The following PDGFRL variants were observed in gnomAD, a reference collection of about 807,000 sequenced individuals.
PDGFRL encodes the protein platelet-derived growth factor receptor-like protein.
PDGFRL carries 46 observed loss-of-function variants against 37.2 expected under a neutral mutation model. The ratio of observed to expected loss-of-function variants is 1.24; its 90% CI spans 0.98 to 1.58. PDGFRL has a LOEUF of 1.58. PDGFRL is among the 40% of genes most tolerant of loss of function. The pLI is 0.00. For missense variants in PDGFRL, 692 were observed against 467.6 expected, an observed-to-expected ratio of 1.48 and a Z score of -4.43; for synonymous variants, 251 against 184.3, an observed-to-expected ratio of 1.36 and a Z score of -2.93.
chr8:17,589,679 G>A lies in PDGFRL; in HGVS notation c.267G>A (p.Gly89=), dbSNP rs140534860. ...CCGCTACCCTGAGTCTGCTGGCGGG[G>A]CAAACTGTAGAGCTTCGATGTAAAG... ...KPAATLSLLA[G]QTVELRCKGS... Residue 89 remains glycine (G), a synonymous_variant, in exon 2 of 6, where the codon GGG becomes GGA. Transcript: ENST00000251630. 1.2e-6 allele frequency: 2 copies of A among 1,612,892 alleles called. No homozygotes were observed. Among genetic ancestry groups the A allele is most frequent in the Non-Finnish European group, 1.7e-6 (2 of 1,179,056 alleles).
At chr8:17,608,056 G>T (rs761741835) in intron 2 of PDGFRL, among the ~76,000 whole-genome samples, 2 of 152,164 alleles carry the variant, frequency 1.3e-5, no homozygotes, top group Admixed American at 1.3e-4. Flanking sequence ...GTCACTTCCC[G>T]TCCTGCATTC....
intron 3 of PDGFRL, among the ~76,000 whole-genome samples, chr8:17,628,101 T>C (rs10090766): frequency 0.18 from 27,479 of 149,642 alleles, 3,988 homozygotes; most frequent in African/African-American, 0.4. Flanking sequence ...TCACGCCATT[T>C]TCCTGCCTCA....
intron 5 of PDGFRL, among the ~76,000 whole-genome samples, chr8:17,634,782 C>T (rs1804936228): frequency 6.6e-6 from 1 of 151,820 alleles, no homozygotes; most frequent in Non-Finnish European, 1.5e-5. Context: ...ACTACATGGA[C>T]ATATAGAGGG....
At chr8:17,632,073 C>T (rs547522643) in intron 4 of PDGFRL, among the ~76,000 whole-genome samples, 2 of 152,224 alleles carry the variant, frequency 1.3e-5, no homozygotes, top group Admixed American at 1.3e-4. Flanking sequence ...CTCCCTGGAC[C>T]TGGTTCTTCC....
intron 1 of PDGFRL, among the ~76,000 whole-genome samples, chr8:17,589,038 A>C (rs776868466): frequency 6.6e-6 from 1 of 152,180 alleles, no homozygotes; most frequent in Non-Finnish European, 1.5e-5. Flanking sequence ...CAATATTGAC[A>C]TATGAGGAGG....
At chr8:17,593,533 C>T (rs1269232648) in intron 2 of PDGFRL, among the ~76,000 whole-genome samples, 2 of 150,936 alleles carry the variant, frequency 1.3e-5, no homozygotes, top group Non-Finnish European at 1.5e-5. Context: ...AGGAAGTCAA[C>T]GCTGCAGTGA....
chr8:17,628,552 C>A lies in PDGFRL; in HGVS notation c.571C>A (p.Gln191Lys). The A allele has an allele frequency of 6.2e-7, 1 of 1,613,846 alleles. No individual in the cohort carries two copies. Among genetic ancestry groups the A allele is most frequent in the South Asian group, 1.1e-5 (1 of 91,086 alleles). ...FDVVYLNPDR[Q>K]AVVPCRVTVL... Reference sequence around the variant, plus strand: ...TGTTGTCTACTTGAACCCGGACAGACAGGCTGTGGTTCCTTGTCGGGTGAC... The same window carrying A: ...TGTTGTCTACTTGAACCCGGACAGAAAGGCTGTGGTTCCTTGTCGGGTGAC... Residue 191 changes from glutamine to lysine, a missense_variant, in exon 4 of 6, where the codon CAG becomes AAG. By Grantham distance (53) the Gln-to-Lys change is moderately conservative. Transcript: ENST00000251630.
intron 5 of PDGFRL, among the ~76,000 whole-genome samples, chr8:17,638,222 C>T (rs1364286446): frequency 6.6e-6 from 1 of 152,030 alleles, no homozygotes; most frequent in Non-Finnish European, 1.5e-5. Flanking sequence ...TGCTGTATAC[C>T]AGAGGTTTTG....
intron 5 of PDGFRL, among the ~76,000 whole-genome samples, chr8:17,637,187 C>T (rs1025931921): frequency 6.6e-6 from 1 of 152,160 alleles, no homozygotes; most frequent in Non-Finnish European, 1.5e-5. Flanking sequence ...TGTTGCAGTT[C>T]TCAGGGGAAA....
At position 17,579,548 on chromosome 8, in the gene PDGFRL, TTATTATTG is replaced by T. The variant is rs1563500904; in HGVS notation, c.55+2243_55+2250del. On this transcript the variant is annotated intron_variant, in intron 1 of 5. Transcript: ENST00000251630. The stretch of plus-strand genomic sequence containing the variant: ...AAAGACAGTCTTTATTATTATTTTA[TTATTATTG>T]TTATTATTATTATTATTATTATTAT... 7.6e-4 allele frequency among the ~76,000 whole-genome samples: 52 copies of T among 68,526 alleles called. 1 individual carries two copies. Among genetic ancestry groups the T allele is most frequent in the African/African-American group, 3.0e-3 (52 of 17,370 alleles). The allele number at this position is 68,526 out of a possible 152,430, so 45.0% of individuals were successfully genotyped here.
At chr8:17,637,344 T>C (rs11203877) in intron 5 of PDGFRL, among the ~76,000 whole-genome samples, 107,168 of 152,116 alleles carry the variant, frequency 0.7, 40,652 homozygotes, top group Non-Finnish European at 0.86. Flanking sequence ...GATGATCATG[T>C]GATTTTTTGT....
chr8:17,639,762 G>C lies in PDGFRL; in HGVS notation c.940-2851G>C, dbSNP rs780643671. ...CCTGATGACTCTGTGCCTAGGTGAC[G>C]ATCTTTTTGCAATGAATTTCTCAGG... On this transcript the variant is annotated intron_variant, in intron 5 of 5. Transcript: ENST00000251630. 2.0e-5 allele frequency among the ~76,000 whole-genome samples: 3 copies of C among 152,124 alleles called. No individual in the cohort carries two copies. The South Asian group carries it at 6.2e-4, about 32-fold the overall frequency.
In PDGFRL at chr8:17,640,948, A is replaced by G. The variant is rs73571156; in HGVS notation, c.940-1665A>G. On this transcript the variant is annotated intron_variant, in intron 5 of 5. Coordinates refer to ENST00000251630, the MANE Select transcript of PDGFRL (RefSeq NM_001372073.1). Reference sequence around the variant, plus strand: ...ACACTCTCCTTGGGCGGGTCTTGCTATGGCTGCTGTTGGGACTGGCGGTGT... The same window carrying G: ...ACACTCTCCTTGGGCGGGTCTTGCTGTGGCTGCTGTTGGGACTGGCGGTGT... Among the ~76,000 whole-genome samples the G allele has an allele frequency of 4.1e-3, 627 of 151,938 alleles. 7 individuals carry two copies. Among genetic ancestry groups the G allele is most frequent in the African/African-American group, 0.014 (596 of 41,420 alleles).
chr8:17,608,170 C>G (rs1304361148), intron 2 of PDGFRL, among the ~76,000 whole-genome samples: 1 of 152,192 alleles, frequency 6.6e-6, no homozygotes, highest in East Asian at 1.9e-4. Context: ...GGAGTTCATC[C>G]TGATTTGCCC....
At chr8:17,602,012 G>C (rs533955553) in intron 2 of PDGFRL, among the ~76,000 whole-genome samples, 1 of 152,246 alleles carries the variant, frequency 6.6e-6, no homozygotes, top group East Asian at 1.9e-4. Context: ...CCACATGGTA[G>C]CTCTAAGTTC....
At chr8:17,611,580 G>A (rs1804412916) in intron 2 of PDGFRL, among the ~76,000 whole-genome samples, 1 of 152,190 alleles carries the variant, frequency 6.6e-6, no homozygotes, top group Non-Finnish European at 1.5e-5. Flanking sequence ...GGAGGGCTCA[G>A]AGGTGAAAAT....
intron 1 of PDGFRL, among the ~76,000 whole-genome samples, chr8:17,581,058 A>G (rs533905155): frequency 2.8e-4 from 42 of 152,196 alleles, no homozygotes; most frequent in Admixed American, 1.2e-3. Context: ...CAAAGACTCC[A>G]TTCCTCAATG....
rs1465594232 is a variant in PDGFRL, at chr8:17,628,618, G to A, written c.637G>A (p.Ala213Thr). 1.2e-6 allele frequency: 2 copies of A among 1,614,218 alleles called. No homozygotes were observed. Among genetic ancestry groups the A allele is most frequent in the Admixed American group, 3.3e-5 (2 of 60,030 alleles). ...AGTCACGCTCCACAGGGAATTCCCAGCCAAGGAGATCCCAGCCAATGGAAC... is the reference window on the plus strand; with the variant it reads ...AGTCACGCTCCACAGGGAATTCCCAACCAAGGAGATCCCAGCCAATGGAAC... Reference protein sequence around the residue: ...AKVTLHREFPAKEIPANGTDI... With the variant: ...AKVTLHREFPTKEIPANGTDI... The change falls in exon 4 of 6, where the codon GCC becomes ACC. Residue 213 changes from alanine to threonine, a missense_variant. By Grantham distance (58) the Ala-to-Thr change is moderately conservative (BLOSUM62 0). Transcript: ENST00000251630.
Position 17,627,357 on chromosome 8 carries a change from C to T in PDGFRL, c.506-1130C>T, listed in dbSNP as rs116299428. On this transcript the variant is annotated intron_variant, in intron 3 of 5. Transcript: ENST00000251630. ...ATGTGCTTGTCTACTTTAAGTAATA[C>T]GTGTGTCATCTACATGAGTGGATGT... 8.6e-3 allele frequency among the ~76,000 whole-genome samples: 1,307 copies of T among 152,190 alleles called. 26 individuals are homozygous for T. Among genetic ancestry groups the T allele is most frequent in the African/African-American group, 0.03 (1,246 of 41,490 alleles).
Sources: allele counts gnomAD v4.1 joint callset (sites outside exome capture counted in the v4.1 genomes callset), GRCh38; gene constraint gnomAD v4.1.1; transcripts MANE v1.5; gene names NCBI Gene and HGNC (gene_info 2026-07-23, HGNC 2026-07-21).